UTRN: variants seen among roughly 807,000 people sequenced by gnomAD.
UTRN encodes the protein utrophin.
A neutral mutation model predicts 463.9 loss-of-function variants in UTRN; 283 were observed. The observed-to-expected ratio is 0.61, with a 90% CI of 0.55 to 0.67. The LOEUF (loss-of-function observed/expected upper bound fraction) is 0.67, where lower values mean the gene tolerates loss of function less well. Ranked by LOEUF, UTRN falls within the 30% of genes least tolerant of loss-of-function variation. UTRN has a pLI of 0.00. For synonymous variants in UTRN, 1,442 were observed against 1,431.5 expected, an observed-to-expected ratio of 1.01 and a Z score of -0.17; for missense variants, 3,922 against 4,084.3, an observed-to-expected ratio of 0.96 and a Z score of 1.08.
intron 33 of UTRN, among the ~76,000 whole-genome samples, chr6:144,498,533 C>G (rs7753461): frequency 6.6e-6 from 1 of 151,922 alleles, no homozygotes; most frequent in South Asian, 2.1e-4. Flanking sequence ...ACTATAATAC[C>G]GTATTTTTCC....
intron 51 of UTRN, among the ~76,000 whole-genome samples, chr6:144,661,651 A>G (rs1779880635): frequency 6.6e-6 from 1 of 152,106 alleles, no homozygotes; most frequent in Admixed American, 6.5e-5. Context: ...CTTGTTTTGT[A>G]TAGATTTGTC....
chr6:144,754,638 T>C (rs1030121513), intron 56 of UTRN, 82 bp from the exon 57 acceptor site: 3 of 1,408,798 alleles, frequency 2.1e-6, no homozygotes, highest in Non-Finnish European at 3.0e-6. Flanking sequence ...TCATTTATTA[T>C]AGTCTTTAAA....
rs36044387 is a variant in UTRN, at chr6:144,479,114, G to GTTTT, written c.3337-679_3337-676dup. Among the ~76,000 whole-genome samples, 69 of 114,772 alleles carry GTTTT rather than the reference G, an allele frequency of 6.0e-4. 2 individuals carry two copies. Among genetic ancestry groups the GTTTT allele is most frequent in the African/African-American group, 1.1e-3 (30 of 27,642 alleles). 75.3% of individuals were successfully genotyped at this position (114,772 alleles called of 152,430 possible). A position where few individuals can be genotyped will look rare whatever the true frequency, so the allele number is the denominator to read the frequency against. ...ATGGACATTTTGATTGCTTCTAGGG[G>GTTTT]TTTTTTTTTTTTTTTTTTTTTTGAG... On this transcript the variant is annotated intron_variant, in intron 25 of 74. Transcript: ENST00000367545.
chr6:144,444,300 C>T lies in UTRN; in HGVS notation c.1532C>T (p.Thr511Ile). Residue 511 changes from threonine (T) to isoleucine (I), a missense_variant, in exon 14 of 75, where the codon ACA becomes ATA. By Grantham distance (89) the Thr-to-Ile change is moderately conservative. Around this residue, in one of 3 missense-constraint regions of UTRN, gnomAD observed 2,349 missense variants for 2,303.8 expected, o/e 1.02. Coordinates refer to ENST00000367545, the MANE Select transcript of UTRN (RefSeq NM_007124.3). Reference protein sequence around the residue: ...DQLQKLGERWTAVCRWTEERW... With the variant: ...DQLQKLGERWIAVCRWTEERW... ...TTCTAGAAACTTGGTGAGCGCTGGA[C>T]AGCAGTATGCCGTTGGACTGAAGAA... The T allele has an allele frequency of 8.1e-6, 13 of 1,611,404 alleles. No homozygotes were observed. The highest frequency in any genetic ancestry group is 9.3e-6 in the Non-Finnish European group (11 of 1,178,520).
intron 41 of UTRN, among the ~76,000 whole-genome samples, chr6:144,528,967 T>G (rs1447742049): frequency 1.3e-5 from 2 of 152,178 alleles, no homozygotes; most frequent in African/African-American, 2.4e-5. Flanking sequence ...GTGCATGGCT[T>G]GTTGTGGCTG....
chr6:144,790,230 C>T (rs956620099), intron 62 of UTRN, among the ~76,000 whole-genome samples: 2 of 152,086 alleles, frequency 1.3e-5, no homozygotes, highest in Non-Finnish European at 2.9e-5. Context: ...TTATTTTTGT[C>T]CATAAAATGT....
At chr6:144,748,737 A>G (rs1791038022) in intron 55 of UTRN, among the ~76,000 whole-genome samples, 1 of 152,208 alleles carries the variant, frequency 6.6e-6, no homozygotes, top group Non-Finnish European at 1.5e-5. Context: ...AACTTTTATG[A>G]TAATTTACAT....
chr6:144,459,148 G>C, intron 20 of UTRN, 26 bp from the exon 21 acceptor site: 2 of 1,600,694 alleles, frequency 1.2e-6, no homozygotes, highest in South Asian at 1.1e-5. Flanking sequence ...TCAGTGAGTT[G>C]TGTGACCGTA....
intron 51 of UTRN, among the ~76,000 whole-genome samples, chr6:144,631,214 A>AGTGTGTGTGTGTGAGAGAGAGAGGTGT (rs1776473117): frequency 7.0e-6 from 1 of 142,396 alleles, no homozygotes. Flanking sequence ...AGAGAGAGTG[A>AGTGTGTGTGTGTGAGAGAGAGAGGTGT]GTGTGTGTGT....
intron 2 of UTRN, among the ~76,000 whole-genome samples, chr6:144,374,682 C>G (rs375938348): frequency 4.0e-5 from 6 of 151,238 alleles, no homozygotes; most frequent in African/African-American, 1.5e-4. Flanking sequence ...TGAGGTTTCA[C>G]CATGTTGGTC....
rs765923890 is a variant in UTRN, at chr6:144,485,252, A to G, written c.3688-133A>G. ...TTTATTTTATTTTTTTGAAGTTTCA[A>G]CTCCATCAGTTCTGAATTCCTAGGT... On this transcript the variant is annotated intron_variant, in intron 27 of 74. Transcript: ENST00000367545. The G allele has an allele frequency of 1.6e-4, 214 of 1,336,930 alleles. 1 individual carries two copies. The highest frequency in any genetic ancestry group is 2.0e-4 in the Non-Finnish European group (200 of 979,576). 82.8% of individuals were successfully genotyped at this position (1,336,930 alleles called of 1,614,324 possible). A position where few individuals can be genotyped will look rare whatever the true frequency, so the allele number is the denominator to read the frequency against.
chr6:144,814,169 G>A (rs1778874377), intron 65 of UTRN, among the ~76,000 whole-genome samples: 1 of 152,148 alleles, frequency 6.6e-6, no homozygotes, highest in Non-Finnish European at 1.5e-5. Context: ...AAGTGATTAG[G>A]TCATGAGGAT....
intron 41 of UTRN, among the ~76,000 whole-genome samples, chr6:144,527,790 C>A (rs555128324): frequency 6.6e-6 from 1 of 152,100 alleles, no homozygotes; most frequent in East Asian, 1.9e-4. Flanking sequence ...CTGAGACTTT[C>A]CAGTGCATTT....
intron 34 of UTRN, among the ~76,000 whole-genome samples, chr6:144,503,250 G>A (rs993473161): frequency 2.6e-5 from 4 of 152,094 alleles, no homozygotes; most frequent in Admixed American, 6.6e-5. Flanking sequence ...AAGCTCTTTA[G>A]TTTATAGATC....
intron 4 of UTRN, 121 bp downstream of exon 4, chr6:144,422,091 G>A: frequency 9.5e-6 from 7 of 735,426 alleles, no homozygotes; most frequent in Non-Finnish European, 1.4e-5. Context: ...TGTAAAGGCT[G>A]AAATTCGGAA....
At chr6:144,484,042 G>A (rs1380135690) in intron 27 of UTRN, among the ~76,000 whole-genome samples, 2 of 152,140 alleles carry the variant, frequency 1.3e-5, no homozygotes, top group Non-Finnish European at 2.9e-5. Flanking sequence ...CATTCAAGAC[G>A]ACAAGCCCAG....
chr6:144,754,497 G>T (rs1373310345), intron 56 of UTRN, among the ~76,000 whole-genome samples: 3 of 148,834 alleles, frequency 2.0e-5, no homozygotes, highest in African/African-American at 7.4e-5. Context: ...AGAGTACCTG[G>T]CACTGTTTAC....
intron 2 of UTRN, among the ~76,000 whole-genome samples, chr6:144,351,483 C>T (rs1778103428): frequency 6.6e-6 from 1 of 152,132 alleles, no homozygotes; most frequent in South Asian, 2.1e-4. Flanking sequence ...GAGAGCTATA[C>T]AGGACAGCAA....
chr6:144,534,754 A>G (rs547093584), intron 43 of UTRN, among the ~76,000 whole-genome samples: 8 of 152,356 alleles, frequency 5.3e-5, no homozygotes, highest in African/African-American at 1.9e-4. Flanking sequence ...AGAAAACATC[A>G]TTAAAAAGAT....
Sources: gnomAD v4.1 joint callset for allele counts (sites outside exome capture counted in the v4.1 genomes callset) on GRCh38, gnomAD v4.1.1 for gene constraint, gnomAD v4.1.1 regional missense constraint, MANE v1.5 for transcripts, NCBI Gene and HGNC (gene_info 2026-07-23, HGNC 2026-07-21) for gene names.